LMO7: variants seen among roughly 807,000 people sequenced by gnomAD.
LMO7 encodes LIM domain 7, also known as LIM domain only protein 7.
LMO7 carries 120 observed loss-of-function variants against 206.5 expected under a neutral mutation model. That is an observed-to-expected ratio of 0.58 (90% CI 0.50 to 0.68). LMO7 has a LOEUF of 0.68. Among genes scored for constraint, LMO7 ranks in the 30% least tolerant of loss-of-function variants. The probability of loss-of-function intolerance (pLI) is 0.00; values close to 1 mark genes in which losing one functional copy is unlikely to be tolerated. For missense variants in LMO7, 1,959 were observed against 1,957.9 expected (o/e 1.00, Z -0.01); for synonymous variants, 706 against 681.5 (o/e 1.04, Z -0.56).
In LMO7 at chr13:75,820,141, G is replaced by A. The variant is rs563679034; in HGVS notation, c.2207+606G>A. Among the ~76,000 whole-genome samples the A allele has an allele frequency of 5.9e-5, 9 of 152,274 alleles. No homozygotes were observed. The South Asian group carries it at 1.7e-3, about 28-fold the overall frequency. On this transcript the variant is annotated intron_variant, in intron 13 of 30. Coordinates refer to ENST00000377534, the MANE Select transcript of LMO7 (RefSeq NM_001306080.2). Reference sequence around the variant, plus strand: ...ACGCTTTTAGAATAATGTCCAAAAGGAAATATGCTGTCAGGTGAAATGAAA... The same window carrying A: ...ACGCTTTTAGAATAATGTCCAAAAGAAAATATGCTGTCAGGTGAAATGAAA...
chr13:75,764,494 C>T (rs1447728165), intron 4 of LMO7, among the ~76,000 whole-genome samples: 1 of 152,056 alleles, frequency 6.6e-6, no homozygotes, highest in Non-Finnish European at 1.5e-5. Context: ...GTGGTGGCAT[C>T]TGGTCATTAG....
intron 25 of LMO7, 50 bp from the exon 26 acceptor site, chr13:75,845,277 A>C: frequency 1.2e-6 from 1 of 850,440 alleles, no homozygotes; most frequent in Admixed American, 3.0e-5. Flanking sequence ...ATAAATATAA[A>C]GGAGGTTATT....
At chr13:75,816,004 T>G (rs970464293) in intron 11 of LMO7, among the ~76,000 whole-genome samples, 2 of 152,194 alleles carry the variant, frequency 1.3e-5, no homozygotes, top group Non-Finnish European at 2.9e-5. Context: ...GATATTATTT[T>G]AATCTGTCCT....
intron 2 of LMO7, among the ~76,000 whole-genome samples, chr13:75,718,083 A>C (rs1001805445): frequency 2.8e-4 from 42 of 152,240 alleles, no homozygotes; most frequent in African/African-American, 9.9e-4. Flanking sequence ...ATCTGTTTTC[A>C]CTTAATGGCA....
chr13:75,730,358 A>T (rs2045026452), intron 3 of LMO7, among the ~76,000 whole-genome samples: 1 of 152,134 alleles, frequency 6.6e-6, no homozygotes, highest in East Asian at 1.9e-4. Context: ...TAGTCTTGGG[A>T]GAGTGTATGT....
At chr13:75,838,417 AC>A in intron 20 of LMO7, 2 of 1,157,504 alleles carry the variant, frequency 1.7e-6, no homozygotes, top group South Asian at 3.1e-5. Context: ...TCCTTTGTAT[AC>A]CTCTAAACAT....
intron 1 of LMO7, among the ~76,000 whole-genome samples, chr13:75,689,832 G>A (rs1219728602): frequency 6.6e-6 from 1 of 152,136 alleles, no homozygotes; most frequent in Non-Finnish European, 1.5e-5. Context: ...TTGAGGTTTT[G>A]GGACACGGAC....
At chr13:75,843,174 G>A (rs977764634) in intron 25 of LMO7, among the ~76,000 whole-genome samples, 1 of 152,210 alleles carries the variant, frequency 6.6e-6, no homozygotes, top group Non-Finnish European at 1.5e-5. Flanking sequence ...GACTGGGCTT[G>A]CTCATATATC....
At chr13:75,681,718 G>GTATATGTATATATATATATATATA (rs1555293392) in intron 1 of LMO7, among the ~76,000 whole-genome samples, 3 of 104,562 alleles carry the variant, frequency 2.9e-5, no homozygotes, top group East Asian at 2.7e-4. Context: ...ATATATATAT[G>GTATATGTATATATATATATATATA]TATATATATA....
At chr13:75,657,048 G>C (rs1290775270) in intron 1 of LMO7, among the ~76,000 whole-genome samples, 2 of 152,194 alleles carry the variant, frequency 1.3e-5, no homozygotes, top group Non-Finnish European at 2.9e-5. Flanking sequence ...TTATAAAAAG[G>C]GTAGATTTGG....
intron 15 of LMO7, among the ~76,000 whole-genome samples, chr13:75,824,335 A>T (rs142950602): frequency 6.6e-6 from 1 of 152,244 alleles, no homozygotes; most frequent in South Asian, 2.1e-4. Flanking sequence ...TTCTTTTTCG[A>T]TAATTTTAAC....
At chr13:75,734,474 G>T (rs79745411) in intron 3 of LMO7, among the ~76,000 whole-genome samples, 76 of 152,230 alleles carry the variant, frequency 5.0e-4, no homozygotes, top group African/African-American at 1.8e-3. Flanking sequence ...TGTTTATAGT[G>T]CATTCAGGAA....
At chr13:75,719,158 T>G in intron 2 of LMO7, among the ~76,000 whole-genome samples, 1 of 152,038 alleles carries the variant, frequency 6.6e-6, no homozygotes, top group African/African-American at 2.4e-5. Context: ...TTTTGTATTT[T>G]TAGTAGAGAC....
intron 4 of LMO7, among the ~76,000 whole-genome samples, chr13:75,777,891 C>T (rs561177130): frequency 4.6e-5 from 7 of 152,100 alleles, no homozygotes; most frequent in East Asian, 1.9e-4. Context: ...GTGATCCGCC[C>T]GCCTCGGCCT....
rs1044441219 is a variant in LMO7, at chr13:75,841,140, G to A, written c.3614G>A (p.Arg1205Lys). 6.2e-6 allele frequency: 10 copies of A among 1,613,104 alleles called. No individual in the cohort carries two copies. The African/African-American group carries it at 1.1e-4, about 17-fold the overall frequency. The change falls in exon 23 of 31, where the codon AGG becomes AAG. Residue 1205 changes from arginine (R) to lysine (K), a missense_variant. Physicochemically the swap from Arg to Lys is conservative, Grantham distance 26. Coordinates refer to ENST00000377534, the MANE Select transcript of LMO7 (RefSeq NM_001306080.2). ...EKYQREQEKL[R>K]EEWQRAKQEA... is the part of the protein sequence containing the mutation. ...TATCAACGTGAGCAGGAGAAACTGA[G>A]GGAAGAGTGGCAAAGGGCCAAACAG...
chr13:75,830,933 CTGTT>C (rs956949700), intron 15 of LMO7, among the ~76,000 whole-genome samples: 2 of 151,872 alleles, frequency 1.3e-5, no homozygotes, highest in African/African-American at 2.4e-5. Context: ...CATGATTTGT[CTGTT>C]TGTCTCTCTT....
At chr13:75,683,135 T>C (rs1290577459) in intron 1 of LMO7, among the ~76,000 whole-genome samples, 1 of 151,718 alleles carries the variant, frequency 6.6e-6, no homozygotes, top group African/African-American at 2.4e-5. Context: ...TTCAGGTCAT[T>C]GCAACCTCCA....
intron 25 of LMO7, 106 bp from the exon 26 acceptor site, chr13:75,845,221 A>G: frequency 1.8e-6 from 1 of 561,690 alleles, no homozygotes; most frequent in South Asian, 2.8e-5. Context: ...GACACAGAAA[A>G]TAAATCAACT....
chr13:75,628,653 T>C (rs574474959), intron 2 of LMO7: 1 of 152,242 alleles, frequency 6.6e-6, no homozygotes, highest in East Asian at 1.9e-4. Context: ...TCTGAACTTA[T>C]AAGGGCAGAC....
Sources: allele counts gnomAD v4.1 joint callset (sites outside exome capture counted in the v4.1 genomes callset), GRCh38; gene constraint gnomAD v4.1.1; transcripts MANE v1.5; gene names NCBI Gene and HGNC (gene_info 2026-07-23, HGNC 2026-07-21).